Variants in SIAH1 observed in about 807,000 individuals in gnomAD.
The protein encoded by SIAH1 is siah E3 ubiquitin protein ligase 1.
SIAH1 carries 2 observed loss-of-function variants against 20.0 expected under a neutral mutation model. The observed-to-expected ratio is 0.10, with a 90% confidence interval of 0.04 to 0.31. SIAH1 has a LOEUF of 0.31. SIAH1 is among the 10% of genes least tolerant of loss of function. The pLI, the probability that SIAH1 is intolerant of heterozygous loss-of-function variation, is 1.00. For missense variants in SIAH1, 119 were observed against 355.3 expected (o/e 0.33, Z 5.35); for synonymous variants, 118 against 125.3 (o/e 0.94, Z 0.39).
At chr16:48,368,637 G>GC (rs1960906181) in intron 1 of SIAH1, among the ~76,000 whole-genome samples, 1 of 152,032 alleles carries the variant, frequency 6.6e-6, no homozygotes, top group African/African-American at 2.4e-5. Context: ...GGCGGAGGCT[G>GC]CAGTGAGCCA....
intron 1 of SIAH1, chr16:48,365,529 C>T (rs750451208): frequency 6.3e-7 from 1 of 1,587,202 alleles, no homozygotes; most frequent in South Asian, 1.1e-5. Context: ...GGAACAGGCC[C>T]CTCCTGGGCT....
intron 1 of SIAH1, chr16:48,363,315 T>TC: frequency 6.0e-6 from 1 of 167,232 alleles, no homozygotes; most frequent in East Asian, 1.9e-4. Context: ...TCCATCTCTA[T>TC]CTAATTAAGT....
At chr16:48,370,479 C>T (rs1960955097) in intron 1 of SIAH1, among the ~76,000 whole-genome samples, 1 of 152,128 alleles carries the variant, frequency 6.6e-6, no homozygotes, top group African/African-American at 2.4e-5. Context: ...TCTCATTTAA[C>T]CTTTCCAATG....
chr16:48,362,557 A>T lies in SIAH1; in HGVS notation c.-2-127T>A. 1.1e-6 allele frequency: 1 copy of T among 888,108 alleles called. No individual in the cohort carries two copies. Among genetic ancestry groups the T allele is most frequent in the South Asian group, 1.8e-5 (1 of 56,410 alleles). 55.0% of individuals were successfully genotyped at this position (888,108 alleles called of 1,614,324 possible). Reference sequence around the variant, plus strand: ...AAATTTACTGAGCAAAAGAGGAAGAAAAATAGGATTAAAAAAGATATTAAA... The same window carrying T: ...AAATTTACTGAGCAAAAGAGGAAGATAAATAGGATTAAAAAAGATATTAAA... On this transcript the variant is annotated intron_variant, in intron 1 of 1. Coordinates refer to ENST00000394725, the MANE Select transcript of SIAH1 (RefSeq NM_003031.4). The surrounding 1 kb of genome is among the most constrained non-coding windows in gnomAD (Gnocchi z 4.2).
intron 1 of SIAH1, chr16:48,364,874 CA>C (rs1567368967): frequency 1.3e-5 from 2 of 152,882 alleles, no homozygotes; most frequent in Non-Finnish European, 2.9e-5. Flanking sequence ...ATATTTAACA[CA>C]ATATAGCTAC....
chr16:48,372,417 G>C (rs1368132901), intron 1 of SIAH1, among the ~76,000 whole-genome samples: 2 of 152,024 alleles, frequency 1.3e-5, no homozygotes, highest in African/African-American at 4.8e-5. Context: ...TGTTCACAAG[G>C]AGTTCACATT....
intron 1 of SIAH1, among the ~76,000 whole-genome samples, chr16:48,384,640 G>A (rs1597036438): frequency 6.6e-6 from 1 of 151,350 alleles, no homozygotes. Context: ...GTCCCGGACG[G>A]CTCCAGCCGG....
At chr16:48,365,904 G>C in intron 1 of SIAH1, 1 of 1,230,984 alleles carries the variant, frequency 8.1e-7, no homozygotes. Context: ...CTGCCTGCCG[G>C]GAGAGCCATT....
chr16:48,384,145 G>C (rs1050052437), intron 1 of SIAH1, among the ~76,000 whole-genome samples: 4 of 152,166 alleles, frequency 2.6e-5, no homozygotes, highest in African/African-American at 9.7e-5. Context: ...AACTGCTGAA[G>C]AGTTAACAAT....
At chr16:48,371,029 G>A (rs999056414) in intron 1 of SIAH1, among the ~76,000 whole-genome samples, 2 of 151,356 alleles carry the variant, frequency 1.3e-5, no homozygotes, top group South Asian at 2.1e-4. Context: ...CATAAGAATC[G>A]CTTGAACCCG....
chr16:48,367,544 A>G (rs1160866947), intron 1 of SIAH1, among the ~76,000 whole-genome samples: 2 of 152,210 alleles, frequency 1.3e-5, no homozygotes, highest in African/African-American at 4.8e-5. Context: ...CTAGATTGAG[A>G]TGGGTAATTT....
At chr16:48,375,414 T>G (rs1028167574) in intron 1 of SIAH1, among the ~76,000 whole-genome samples, 1 of 152,042 alleles carries the variant, frequency 6.6e-6, no homozygotes. Flanking sequence ...CTGAGACAGG[T>G]GGATCACTTG....
intron 1 of SIAH1, among the ~76,000 whole-genome samples, chr16:48,368,015 T>C (rs1960885379): frequency 6.6e-6 from 1 of 152,256 alleles, no homozygotes; most frequent in Non-Finnish European, 1.5e-5. Context: ...CATTCAGCCA[T>C]TGCTTTACCA....
chr16:48,372,158 T>C (rs964552562), intron 1 of SIAH1, among the ~76,000 whole-genome samples: 23 of 152,180 alleles, frequency 1.5e-4, no homozygotes, highest in African/African-American at 5.5e-4. Context: ...TTAGTGAGTC[T>C]GATATATTTT....
chr16:48,368,217 G>C (rs1960890582), intron 1 of SIAH1, among the ~76,000 whole-genome samples: 1 of 152,198 alleles, frequency 6.6e-6, no homozygotes, highest in Non-Finnish European at 1.5e-5. Flanking sequence ...GAGAAACCAA[G>C]AGGGCTACAA....
Position 48,385,270 on chromosome 16 carries a change from C to T in SIAH1, c.-69G>A. 1 of 315,480 alleles carries T rather than the reference C, an allele frequency of 3.2e-6. No homozygotes were observed. The highest frequency in any genetic ancestry group is 6.7e-6 in the Non-Finnish European group (1 of 148,456). The allele number at this position is 315,480 out of a possible 1,614,324, so 19.5% of individuals were successfully genotyped here. On this transcript the variant is annotated 5_prime_UTR_variant, in exon 1 of 2. Transcript: ENST00000394725. ...AACGCGCTCCGTCGCCAACCCCCGCCACCGCGGGCAGCGCCACCGCCTCTT... is the reference window on the plus strand; with the variant it reads ...AACGCGCTCCGTCGCCAACCCCCGCTACCGCGGGCAGCGCCACCGCCTCTT...
chr16:48,386,593 A>T (rs964875079), upstream of SIAH1, among the ~76,000 whole-genome samples: 3 of 152,264 alleles, frequency 2.0e-5, no homozygotes, highest in East Asian at 1.9e-4. Context: ...TATGTGCAAA[A>T]CACTAGTTTA....
intron 1 of SIAH1, among the ~76,000 whole-genome samples, chr16:48,366,839 C>T (rs1302656738): frequency 1.3e-5 from 2 of 152,224 alleles, no homozygotes; most frequent in Non-Finnish European, 2.9e-5. Flanking sequence ...TTTTACAATA[C>T]AGGCTACACA....
intron 1 of SIAH1, among the ~76,000 whole-genome samples, chr16:48,370,823 AT>A (rs1393638058): frequency 2.0e-5 from 3 of 146,880 alleles, no homozygotes; most frequent in Non-Finnish European, 3.0e-5. Context: ...AAAAAAACAA[AT>A]TTCAAGGACA....
Sources: allele counts gnomAD v4.1 joint callset (sites outside exome capture counted in the v4.1 genomes callset), GRCh38; gene constraint gnomAD v4.1.1; non-coding constraint Gnocchi (gnomAD v3.1); transcripts MANE v1.5; gene names NCBI Gene and HGNC (gene_info 2026-07-23, HGNC 2026-07-21).